The following ITIH5 variants were observed in gnomAD, a reference collection of about 807,000 sequenced individuals.
ITIH5 encodes inter-alpha-trypsin inhibitor heavy chain H5.
A neutral mutation model predicts 77.5 loss-of-function variants in ITIH5; 65 were observed. That is an observed-to-expected ratio of 0.84 (90% CI 0.69 to 1.03). ITIH5 has a LOEUF of 1.03. ITIH5 is among the 50% of genes least tolerant of loss of function. The pLI, the probability that ITIH5 is intolerant of heterozygous loss-of-function variation, is 0.00. For synonymous variants in ITIH5, 525 were observed against 494.3 expected (o/e 1.06, Z -0.82); for missense variants, 1,208 against 1,213.1 (o/e 1.00, Z 0.06).
intron 13 of ITIH5, 104 bp from the exon 14 acceptor site, chr10:7,563,488 C>T (rs550819053): frequency 3.0e-6 from 3 of 995,724 alleles, no homozygotes; most frequent in Non-Finnish European, 4.5e-6. Context: ...CAACTGGCCA[C>T]AGCCCGAGAC....
chr10:7,637,228 C>T lies in ITIH5; in HGVS notation c.652G>A (p.Asp218Asn). ...SRQRGSGRGE[D>N]DSGPPPSTVI... is the part of the protein sequence containing the mutation. Reference sequence around the variant, plus strand: ...CACGAACCCAGCACGCAGGACTCACCTTCCCCGCGCCCACTGCCCCTCTGC... The same window carrying T: ...CACGAACCCAGCACGCAGGACTCACTTTCCCCGCGCCCACTGCCCCTCTGC... The change falls in exon 5 of 14, where the codon GAT becomes AAT. Residue 218 changes from aspartate to asparagine, a missense_variant and splice_region_variant. Coordinates refer to ENST00000397146, the MANE Select transcript of ITIH5 (RefSeq NM_030569.7). 6.2e-7 allele frequency: 1 copy of T among 1,605,954 alleles called. No homozygotes were observed. The highest frequency in any genetic ancestry group is 1.1e-5 in the South Asian group (1 of 90,986).
intron 7 of ITIH5, among the ~76,000 whole-genome samples, chr10:7,601,654 C>T (rs1833018432): frequency 6.6e-6 from 1 of 152,158 alleles, no homozygotes; most frequent in Admixed American, 6.5e-5. Flanking sequence ...CCCAGGAATG[C>T]ATGTGAACAC....
intron 7 of ITIH5, among the ~76,000 whole-genome samples, chr10:7,604,560 T>C (rs956392971): frequency 7.9e-5 from 12 of 152,258 alleles, no homozygotes; most frequent in African/African-American, 2.4e-4. Flanking sequence ...CTTTTCTAAA[T>C]GTTTGTATCA....
chr10:7,563,484 G>T lies in ITIH5; in HGVS notation c.2528-100C>A, dbSNP rs1743251458. On this transcript the variant is annotated intron_variant, in intron 13 of 13. Coordinates refer to ENST00000397146, the MANE Select transcript of ITIH5 (RefSeq NM_030569.7). ...TCAGTGGCAGAAAGGCTTACAACTG[G>T]CCACAGCCCGAGACTGGACTCTCCC... 9.2e-6 allele frequency: 10 copies of T among 1,089,174 alleles called. No homozygotes were observed. In the South Asian group the frequency reaches 1.1e-4, roughly 12 times the overall value. 67.5% of individuals were successfully genotyped at this position (1,089,174 alleles called of 1,614,324 possible).
chr10:7,579,666 G>A, intron 9 of ITIH5, 89 bp downstream of exon 9: 1 of 1,304,070 alleles, frequency 7.7e-7, no homozygotes, highest in Non-Finnish European at 1.1e-6. Context: ...AGGCTGGGGT[G>A]CAGCAACACA....
At chr10:7,619,721 A>C (rs1378559232) in intron 5 of ITIH5, 3 of 191,580 alleles carry the variant, frequency 1.6e-5, no homozygotes, top group South Asian at 1.4e-4. Context: ...TCTCGTGAGA[A>C]CTCACTCACT....
intron 7 of ITIH5, among the ~76,000 whole-genome samples, chr10:7,600,751 A>C (rs771422244): frequency 3.9e-5 from 6 of 152,156 alleles, no homozygotes; most frequent in Non-Finnish European, 8.8e-5. Context: ...GGACTTTAGG[A>C]GGTAATTAGG....
At chr10:7,613,824 T>C (rs1833307803) in intron 7 of ITIH5, among the ~76,000 whole-genome samples, 2 of 152,338 alleles carry the variant, frequency 1.3e-5, no homozygotes, top group South Asian at 4.1e-4. Flanking sequence ...AAATCTACAC[T>C]GTGTGCAAAG....
At chr10:7,658,286 T>A (rs1355510977) in intron 1 of ITIH5, among the ~76,000 whole-genome samples, 1 of 152,158 alleles carries the variant, frequency 6.6e-6, no homozygotes, top group Non-Finnish European at 1.5e-5. Flanking sequence ...TTTAACCCCA[T>A]TCCCTGCTTT....
chr10:7,565,132 C>CCATA (rs1356760118), intron 13 of ITIH5, among the ~76,000 whole-genome samples: 26 of 145,372 alleles, frequency 1.8e-4, no homozygotes, highest in Middle Eastern at 4.1e-3. Context: ...TATACACACA[C>CCATA]CATACATACA....
chr10:7,607,702 T>C (rs1038794659), intron 7 of ITIH5, among the ~76,000 whole-genome samples: 1 of 152,150 alleles, frequency 6.6e-6, no homozygotes, highest in African/African-American at 2.4e-5. Context: ...AATCCCAGCC[T>C]ACTCGGAAGG....
chr10:7,641,656 G>T (rs1833888404), intron 3 of ITIH5, among the ~76,000 whole-genome samples: 1 of 110,214 alleles, frequency 9.1e-6, no homozygotes, highest in Non-Finnish European at 1.9e-5. Flanking sequence ...AAGGAAGGGA[G>T]GGAGGGAGGG....
Position 7,563,018 on chromosome 10 carries a change from G to C in ITIH5, c.*65C>G, listed in dbSNP as rs752564412. 5 of 1,425,226 alleles carry C rather than the reference G, an allele frequency of 3.5e-6. No individual in the cohort carries two copies. The highest frequency in any genetic ancestry group is 4.9e-6 in the Non-Finnish European group (5 of 1,013,226). 88.3% of individuals were successfully genotyped at this position (1,425,226 alleles called of 1,614,324 possible). A position where few individuals can be genotyped will look rare whatever the true frequency, so the allele number is the denominator to read the frequency against. On this transcript the variant is annotated 3_prime_UTR_variant, in exon 14 of 14. Coordinates refer to ENST00000397146, the MANE Select transcript of ITIH5 (RefSeq NM_030569.7). Reference sequence around the variant, plus strand: ...CTGAGGCGTGTACAAGCCATGAAAAGAGCTGCCCCACGGCCTCCCCACATC... The same window carrying C: ...CTGAGGCGTGTACAAGCCATGAAAACAGCTGCCCCACGGCCTCCCCACATC...
At chr10:7,642,270 G>A (rs1166060008) in intron 2 of ITIH5, among the ~76,000 whole-genome samples, 180 bp from the exon 3 acceptor site, 1 of 148,784 alleles carries the variant, frequency 6.7e-6, no homozygotes, top group African/African-American at 2.5e-5. Context: ...CCCTTCCTTT[G>A]TAAAACAACC....
Position 7,642,097 on chromosome 10 carries a change from G to C in ITIH5, c.136-7C>G, listed in dbSNP as rs1318694942. The C allele has an allele frequency of 2.5e-6, 4 of 1,612,104 alleles. No individual in the cohort carries two copies. Among genetic ancestry groups the C allele is most frequent in the Non-Finnish European group, 3.4e-6 (4 of 1,178,670 alleles). ...TCATCAAAGGTTTGGTTTTCTGTAG[G>C]AATGAAAACACACAGTATCATCGGT... is the stretch of plus-strand genomic sequence containing the variant. On this transcript the variant is annotated splice_region_variant and splice_polypyrimidine_tract_variant and intron_variant, in intron 2 of 13. Coordinates refer to ENST00000397146, the MANE Select transcript of ITIH5 (RefSeq NM_030569.7).
chr10:7,601,639 G>A (rs1833018018), intron 7 of ITIH5, among the ~76,000 whole-genome samples: 1 of 152,076 alleles, frequency 6.6e-6, no homozygotes, highest in Non-Finnish European at 1.5e-5. Flanking sequence ...GTCCTTCCAG[G>A]TGGCCCCAGG....
At chr10:7,577,155 ATTTC>A (rs1291654284) in intron 9 of ITIH5, 143 bp from the exon 10 acceptor site, 1 of 649,716 alleles carries the variant, frequency 1.5e-6, no homozygotes, top group Non-Finnish European at 2.6e-6. Context: ...CCCACACAAT[ATTTC>A]TGCCAGGAGA....
At position 7,637,298 on chromosome 10, in the gene ITIH5, G is replaced by C. The variant is rs770683255; in HGVS notation, c.582C>G (p.Ser194Arg). 6.2e-7 allele frequency: 1 copy of C among 1,613,224 alleles called. No individual in the cohort carries two copies. The highest frequency in any genetic ancestry group is 1.1e-5 in the South Asian group (1 of 91,078). Residue 194 changes from serine to arginine, a missense_variant, in exon 5 of 14, where the codon AGC (serine) becomes AGG (arginine). Transcript: ENST00000397146. ...GCACCTCCAGGGATGCGATGCCCGC[G>C]CTCTCCAGGATATTCACGTCCACGC... Reference protein sequence around the residue: ...RLSVDVNILESAGIASLEVLP... With the variant: ...RLSVDVNILERAGIASLEVLP...
chr10:7,627,045 C>A (rs1833591180), intron 5 of ITIH5, among the ~76,000 whole-genome samples: 1 of 152,162 alleles, frequency 6.6e-6, no homozygotes, highest in South Asian at 2.1e-4. Context: ...AGGTGCCACA[C>A]CAAGTGTCTA....
Sources: gnomAD v4.1 joint callset for allele counts (sites outside exome capture counted in the v4.1 genomes callset) on GRCh38, gnomAD v4.1.1 for gene constraint, MANE v1.5 for transcripts, NCBI Gene and HGNC (gene_info 2026-07-23, HGNC 2026-07-21) for gene names.